KCNH8: variants seen among roughly 807,000 people sequenced by gnomAD.
KCNH8 encodes the protein potassium voltage-gated channel subfamily H member 8, also known as voltage-gated delayed rectifier potassium channel KCNH8.
In KCNH8, 70 loss-of-function variants were observed where a neutral mutation model predicts 103.6. The observed-to-expected ratio is 0.68, with a 90% CI of 0.56 to 0.82. The LOEUF (loss-of-function observed/expected upper bound fraction) is 0.82. KCNH8 is among the 40% of genes least tolerant of loss of function. The pLI is 0.00. For missense variants in KCNH8, 1,217 were observed against 1,329.9 expected, an observed-to-expected ratio of 0.92 and a Z score of 1.32; for synonymous variants, 498 against 489.4, an observed-to-expected ratio of 1.02 and a Z score of -0.23.
At chr3:19,152,948 A>G (rs1010869160) in intron 1 of KCNH8, among the ~76,000 whole-genome samples, 1 of 152,096 alleles carries the variant, frequency 6.6e-6, no homozygotes, top group African/African-American at 2.4e-5. Context: ...AAAGAAAAAA[A>G]AAAGAAAAAA....
intron 3 of KCNH8, among the ~76,000 whole-genome samples, chr3:19,307,005 A>G (rs1575513549): frequency 6.6e-6 from 1 of 152,018 alleles, no homozygotes; most frequent in African/African-American, 2.4e-5. Flanking sequence ...ACAGCATGGT[A>G]CTGGCATAGA....
chr3:19,352,862 A>T (rs565508737), intron 5 of KCNH8, among the ~76,000 whole-genome samples: 8 of 152,344 alleles, frequency 5.3e-5, no homozygotes, highest in Non-Finnish European at 8.8e-5. Flanking sequence ...AAGCTAGCAG[A>T]TGGCAAGAAA....
intron 3 of KCNH8, among the ~76,000 whole-genome samples, chr3:19,310,690 G>A (rs537123320): frequency 3.3e-5 from 2 of 61,430 alleles, no homozygotes; most frequent in South Asian, 6.6e-4. Context: ...TCAAAGGGGT[G>A]AGTGTTACAA....
At chr3:19,432,216 G>T (rs2067133405) in intron 7 of KCNH8, among the ~76,000 whole-genome samples, 1 of 151,844 alleles carries the variant, frequency 6.6e-6, no homozygotes, top group Non-Finnish European at 1.5e-5. Context: ...CAATATTTTT[G>T]GAAAAAAACG....
At chr3:19,417,447 C>G (rs1036599828) in intron 7 of KCNH8, among the ~76,000 whole-genome samples, 10 of 151,458 alleles carry the variant, frequency 6.6e-5, no homozygotes, top group Non-Finnish European at 7.4e-5. Flanking sequence ...TACTCTGGAC[C>G]TTATTCTTGC....
chr3:19,304,230 CA>C (rs2065100403), intron 3 of KCNH8, among the ~76,000 whole-genome samples: 1 of 152,100 alleles, frequency 6.6e-6, no homozygotes, highest in Non-Finnish European at 1.5e-5. Flanking sequence ...CTTGTCCATC[CA>C]CATCACTCTA....
intron 3 of KCNH8, among the ~76,000 whole-genome samples, chr3:19,291,470 C>T (rs995007025): frequency 1.3e-5 from 2 of 152,206 alleles, no homozygotes; most frequent in African/African-American, 2.4e-5. Context: ...TTTCAAAGAA[C>T]ATCTTTATTT....
At chr3:19,452,960 A>T (rs1200861019) in intron 10 of KCNH8, among the ~76,000 whole-genome samples, 1 of 152,240 alleles carries the variant, frequency 6.6e-6, no homozygotes, top group African/African-American at 2.4e-5. Flanking sequence ...CTAAGTGTTC[A>T]TCATTGGATG....
intron 3 of KCNH8, among the ~76,000 whole-genome samples, chr3:19,304,987 AAGG>A: frequency 6.6e-6 from 1 of 152,206 alleles, no homozygotes; most frequent in Non-Finnish European, 1.5e-5. Flanking sequence ...ACTGATTGGA[AAGG>A]AGTAGTCCAT....
At chr3:19,306,557 T>C (rs2065132864) in intron 3 of KCNH8, among the ~76,000 whole-genome samples, 1 of 152,016 alleles carries the variant, frequency 6.6e-6, no homozygotes, top group Non-Finnish European at 1.5e-5. Context: ...TGACCTAAGG[T>C]CATACAGCTA....
intron 1 of KCNH8, among the ~76,000 whole-genome samples, chr3:19,251,070 G>T (rs190215087): frequency 5.7e-4 from 86 of 152,210 alleles, no homozygotes; most frequent in Middle Eastern, 6.8e-3. Flanking sequence ...TGGAGTTGGG[G>T]AGAGACACAC....
intron 3 of KCNH8, among the ~76,000 whole-genome samples, chr3:19,339,898 G>A (rs2065635032): frequency 6.6e-6 from 1 of 151,756 alleles, no homozygotes; most frequent in African/African-American, 2.4e-5. Flanking sequence ...TGTGAAAGTC[G>A]ATAAAAAGCA....
rs12635589 is a variant in KCNH8 at position 19,429,772 on chromosome 3, G to A, written c.1178-8392G>A. Among the ~76,000 whole-genome samples, 414 of 152,162 alleles carry A rather than the reference G, an allele frequency of 2.7e-3. 10 individuals are homozygous for A. The East Asian group carries it at 0.064, about 24-fold the overall frequency. On this transcript the variant is annotated intron_variant, in intron 7 of 15. Transcript: ENST00000328405. ...GCCCCAGTGTGTGGTGTTCTCCTGT[G>A]TCCATGTGTTCTCATCATTTAGCTC...
At chr3:19,345,504 G>T (rs955577599) in intron 4 of KCNH8, among the ~76,000 whole-genome samples, 2 of 152,042 alleles carry the variant, frequency 1.3e-5, no homozygotes, top group African/African-American at 4.8e-5. Flanking sequence ...AAAGAAATAT[G>T]CTTGAAGATT....
intron 2 of KCNH8, among the ~76,000 whole-genome samples, chr3:19,273,440 CT>C (rs2064618784): frequency 6.6e-6 from 1 of 152,170 alleles, no homozygotes; most frequent in Admixed American, 6.5e-5. Flanking sequence ...ATGTGGCCTT[CT>C]TTTCTCCAGA....
At chr3:19,390,673 GGTTGATTTATTTATC>G in intron 6 of KCNH8, 35 bp downstream of exon 6, 2 of 1,576,924 alleles carry the variant, frequency 1.3e-6, no homozygotes, top group East Asian at 4.6e-5. Flanking sequence ...TGGCCTTTAA[GGTTGATTTATTTATC>G]GCATGTTCAG....
intron 15 of KCNH8, among the ~76,000 whole-genome samples, chr3:19,531,544 C>G (rs1287234347): frequency 6.6e-6 from 1 of 152,168 alleles, no homozygotes; most frequent in Non-Finnish European, 1.5e-5. Flanking sequence ...GAGTTTCATG[C>G]CAGCAGTAGG....
chr3:19,257,324 C>T (rs542543000), intron 2 of KCNH8, among the ~76,000 whole-genome samples: 40 of 151,980 alleles, frequency 2.6e-4, no homozygotes, highest in Non-Finnish European at 4.9e-4. Flanking sequence ...AGCTATCCAA[C>T]ACAATTTCTC....
rs762735278 is a variant in KCNH8 at position 19,253,922 on chromosome 3, A to G, written c.310+35A>G. ...CTTTCTTTCGTGCTCACTGGAGAGTAGTGAGAGGCCGTCTTCTTTCAACCT... is the reference window on the plus strand; with the variant it reads ...CTTTCTTTCGTGCTCACTGGAGAGTGGTGAGAGGCCGTCTTCTTTCAACCT... On this transcript the variant is annotated intron_variant, in intron 2 of 15. Coordinates refer to ENST00000328405, the MANE Select transcript of KCNH8 (RefSeq NM_144633.3). 3 of 1,447,780 alleles carry G rather than the reference A, an allele frequency of 2.1e-6. No homozygotes were observed. The South Asian group carries it at 3.4e-5, about 17-fold the overall frequency. 89.7% of individuals were successfully genotyped at this position (1,447,780 alleles called of 1,614,324 possible). A position where few individuals can be genotyped will look rare whatever the true frequency, so the allele number is the denominator to read the frequency against.
Sources: allele counts gnomAD v4.1 joint callset (sites outside exome capture counted in the v4.1 genomes callset), GRCh38; gene constraint gnomAD v4.1.1; transcripts MANE v1.5; gene names NCBI Gene and HGNC (gene_info 2026-07-23, HGNC 2026-07-21).